WHRN: variants seen among roughly 807,000 people sequenced by gnomAD.
WHRN encodes the protein whirlin.
A neutral mutation model predicts 68.3 loss-of-function variants in WHRN; 41 were observed. The ratio of observed to expected loss-of-function variants is 0.60; its 90% CI spans 0.47 to 0.78. The LOEUF (loss-of-function observed/expected upper bound fraction) is 0.78, where lower values mean the gene tolerates loss of function less well. WHRN is among the 30% of genes least tolerant of loss of function. The probability of loss-of-function intolerance (pLI) is 0.00; values close to 1 mark genes in which losing one functional copy is unlikely to be tolerated. For synonymous variants in WHRN, 560 were observed against 561.3 expected, an observed-to-expected ratio of 1.00 and a Z score of 0.03; for missense variants, 1,243 against 1,244.7, an observed-to-expected ratio of 1.00 and a Z score of 0.02.
intron 3 of WHRN, among the ~76,000 whole-genome samples, chr9:114,434,549 C>T (rs916632592): frequency 1.7e-4 from 25 of 148,666 alleles, no homozygotes; most frequent in East Asian, 5.9e-4. Flanking sequence ...GGTCCTTCTC[C>T]GGGGCTCCTC....
intron 1 of WHRN, among the ~76,000 whole-genome samples, chr9:114,489,307 A>AC (rs967033940): frequency 1.4e-4 from 22 of 152,174 alleles, no homozygotes; most frequent in African/African-American, 5.3e-4. Context: ...TTGGAATTGA[A>AC]CACCAATAAG....
intron 3 of WHRN, among the ~76,000 whole-genome samples, chr9:114,426,628 A>G (rs1300866781): frequency 2.0e-5 from 3 of 152,196 alleles, no homozygotes; most frequent in Non-Finnish European, 4.4e-5. Context: ...TTGTCATCAA[A>G]AGGGGGCATG....
intron 2 of WHRN, among the ~76,000 whole-genome samples, chr9:114,476,537 C>A (rs954736592): frequency 6.6e-6 from 1 of 152,084 alleles, no homozygotes; most frequent in Non-Finnish European, 1.5e-5. Flanking sequence ...ACTTTCTACC[C>A]GGCTCCTGAT....
intron 3 of WHRN, among the ~76,000 whole-genome samples, chr9:114,463,946 A>T (rs1175423903): frequency 6.6e-6 from 1 of 152,126 alleles, no homozygotes. Context: ...TTGGCTGTGC[A>T]ACTCTCCGAG....
At chr9:114,418,786 A>G (rs1250473205) in intron 7 of WHRN, among the ~76,000 whole-genome samples, 4 of 150,892 alleles carry the variant, frequency 2.7e-5, no homozygotes, top group Non-Finnish European at 3.0e-5. Context: ...CTCCCTAACC[A>G]CCCCACCCCT....
chr9:114,448,895 A>G (rs752223806), intron 3 of WHRN, among the ~76,000 whole-genome samples: 3 of 152,208 alleles, frequency 2.0e-5, no homozygotes, highest in Admixed American at 6.5e-5. Flanking sequence ...ACCTGGGAGC[A>G]TAACTTGTGG....
At chr9:114,407,035 G>C (rs933757975) in intron 8 of WHRN, 143 bp from the exon 9 acceptor site, 52 of 966,844 alleles carry the variant, frequency 5.4e-5, no homozygotes, top group Non-Finnish European at 7.3e-5. Flanking sequence ...TCTGAATAAT[G>C]CAACACCTGA....
intron 3 of WHRN, among the ~76,000 whole-genome samples, chr9:114,438,754 G>A (rs1191729138): frequency 6.6e-6 from 1 of 152,042 alleles, no homozygotes; most frequent in African/African-American, 2.4e-5. Context: ...CCTGGCTAAC[G>A]GAATCCCACT....
intron 1 of WHRN, among the ~76,000 whole-genome samples, chr9:114,482,618 T>A (rs1221744972): frequency 6.7e-6 from 1 of 149,718 alleles, no homozygotes; most frequent in East Asian, 2.0e-4. Flanking sequence ...CCCACTCCCC[T>A]CCCCCTCAGC....
At chr9:114,467,418 A>G (rs1840808455) in intron 2 of WHRN, among the ~76,000 whole-genome samples, 1 of 151,836 alleles carries the variant, frequency 6.6e-6, no homozygotes, top group African/African-American at 2.4e-5. Context: ...CCACATGGGT[A>G]CAGAGAAGGG....
chr9:114,426,044 G>T, intron 4 of WHRN, 167 bp downstream of exon 4: 1 of 807,290 alleles, frequency 1.2e-6, no homozygotes, highest in Non-Finnish European at 2.0e-6. Flanking sequence ...CTGAGGCCAA[G>T]AGAGGAGAGG....
rs965378224 is a variant in WHRN at position 114,402,653 on chromosome 9, C to T, written c.*101G>A. On this transcript the variant is annotated 3_prime_UTR_variant, in exon 12 of 12. Transcript: ENST00000362057. ...GGGGGATGTCTTCCTGCCACCCTGG[C>T]CATGCAGCCCCAACCCCGCAAGGAG... is the stretch of plus-strand genomic sequence containing the variant. The T allele has an allele frequency of 3.4e-6, 5 of 1,462,336 alleles. No individual in the cohort carries two copies. The highest frequency in any genetic ancestry group is 4.8e-6 in the Non-Finnish European group (5 of 1,052,040). 90.6% of individuals were successfully genotyped at this position (1,462,336 alleles called of 1,614,324 possible).
intron 2 of WHRN, among the ~76,000 whole-genome samples, chr9:114,472,851 C>T (rs1345988397): frequency 3.9e-5 from 6 of 152,330 alleles, no homozygotes; most frequent in Admixed American, 3.9e-4. Context: ...ATTATTAATC[C>T]TCGAAACAGC....
At chr9:114,501,928 C>T (rs907339807) in intron 1 of WHRN, among the ~76,000 whole-genome samples, 4 of 152,312 alleles carry the variant, frequency 2.6e-5, no homozygotes, top group South Asian at 4.2e-4. Context: ...AGGGGCTTTT[C>T]GCTCTTAATT....
chr9:114,447,301 G>A (rs920090734), intron 3 of WHRN, among the ~76,000 whole-genome samples: 1 of 152,154 alleles, frequency 6.6e-6, no homozygotes, highest in African/African-American at 2.4e-5. Context: ...AGCCTGCCTG[G>A]CTCCACACGC....
chr9:114,504,831 G>A lies in WHRN; in HGVS notation c.-30C>T, dbSNP rs1283010358. 1 of 1,381,516 alleles carries A rather than the reference G, an allele frequency of 7.2e-7. No individual in the cohort carries two copies. The highest frequency in any genetic ancestry group is 9.3e-7 in the Non-Finnish European group (1 of 1,079,858). 85.6% of individuals were successfully genotyped at this position (1,381,516 alleles called of 1,614,324 possible). ...ACGCCGAGGCCCGGCCGGGCTCTGA[G>A]CGCGCGGGGTGTGGGCGGTGCCGCT... is the stretch of plus-strand genomic sequence containing the variant. On this transcript the variant is annotated 5_prime_UTR_variant, in exon 1 of 12. Coordinates refer to ENST00000362057, the MANE Select transcript of WHRN (RefSeq NM_015404.4).
intron 7 of WHRN, among the ~76,000 whole-genome samples, chr9:114,415,086 C>A (rs1274787418): frequency 6.6e-6 from 1 of 152,062 alleles, no homozygotes; most frequent in Non-Finnish European, 1.5e-5. Context: ...CCCTTGAGGC[C>A]AGAAGTTTGA....
chr9:114,424,921 G>T, intron 5 of WHRN, 67 bp downstream of exon 5: 1 of 1,555,534 alleles, frequency 6.4e-7, no homozygotes, highest in Non-Finnish European at 8.9e-7. Context: ...GCACCCTCTG[G>T]CTGGCCAGAC....
At chr9:114,450,304 C>T (rs1476588888) in intron 3 of WHRN, among the ~76,000 whole-genome samples, 1 of 152,146 alleles carries the variant, frequency 6.6e-6, no homozygotes, top group African/African-American at 2.4e-5. Flanking sequence ...AAAGCAGGGG[C>T]AGTGTGGGGC....
Sources: allele counts gnomAD v4.1 joint callset (sites outside exome capture counted in the v4.1 genomes callset), GRCh38; gene constraint gnomAD v4.1.1; transcripts MANE v1.5; gene names NCBI Gene and HGNC (gene_info 2026-07-23, HGNC 2026-07-21).